Variants in SLC39A10 observed in about 807,000 individuals in gnomAD.
SLC39A10 encodes the protein zinc transporter ZIP10.
A neutral mutation model predicts 65.1 loss-of-function variants in SLC39A10; 13 were observed. The observed-to-expected ratio is 0.20, with a 90% CI of 0.13 to 0.32. The LOEUF (loss-of-function observed/expected upper bound fraction) is 0.32, where lower values mean the gene tolerates loss of function less well. SLC39A10 is among the 10% of genes least tolerant of loss of function. SLC39A10 has a pLI of 1.00. For missense variants in SLC39A10, 831 were observed against 1,018.4 expected, an observed-to-expected ratio of 0.82 and a Z score of 2.50; for synonymous variants, 321 against 342.2, an observed-to-expected ratio of 0.94 and a Z score of 0.68.
intron 6 of SLC39A10, 79 bp downstream of exon 6, chr2:195,713,632 A>G (rs1691678693): frequency 1.4e-6 from 2 of 1,404,840 alleles, no homozygotes; most frequent in African/African-American, 1.5e-5. Flanking sequence ...TTCTATTTAC[A>G]TTCATTCAAT....
Position 195,705,218 on chromosome 2 carries a change from G to A in SLC39A10, c.1217-1398G>A, listed in dbSNP as rs559094363. On this transcript the variant is annotated intron_variant, in intron 3 of 9. Transcript: ENST00000359634. ...TTAATCCAAAATCCTTGCAAGGATT[G>A]AAGCCATTGAATCCAAATCTAGTGG... Among the ~76,000 whole-genome samples the A allele has an allele frequency of 2.6e-5, 4 of 152,242 alleles. No homozygotes were observed. The South Asian group carries it at 8.3e-4, about 32-fold the overall frequency.
intron 3 of SLC39A10, among the ~76,000 whole-genome samples, chr2:195,693,804 T>C (rs1487624687): frequency 6.6e-6 from 1 of 152,214 alleles, no homozygotes; most frequent in Non-Finnish European, 1.5e-5. Context: ...GTTTTATTTA[T>C]TTCTACTCTG....
At chr2:195,684,256 T>C in intron 3 of SLC39A10, among the ~76,000 whole-genome samples, 1 of 152,068 alleles carries the variant, frequency 6.6e-6, no homozygotes, top group East Asian at 1.9e-4. Flanking sequence ...TTACTTAACA[T>C]TTATCAGGGT....
At chr2:195,614,508 C>T (rs540771970) in intron 2 of SLC39A10, among the ~76,000 whole-genome samples, 1 of 152,202 alleles carries the variant, frequency 6.6e-6, no homozygotes, top group Non-Finnish European at 1.5e-5. Context: ...TAGCGCTCCA[C>T]AACCCTTACC....
intron 6 of SLC39A10, among the ~76,000 whole-genome samples, chr2:195,715,265 C>T (rs556960976): frequency 6.6e-6 from 1 of 152,098 alleles, no homozygotes; most frequent in South Asian, 2.1e-4. Flanking sequence ...CGGTGGCTCA[C>T]GCCTGTCATC....
intron 6 of SLC39A10, among the ~76,000 whole-genome samples, chr2:195,714,432 C>G (rs1459323458): frequency 6.6e-6 from 1 of 152,060 alleles, no homozygotes; most frequent in Non-Finnish European, 1.5e-5. Context: ...AAAATAGGTC[C>G]TATATTAAAT....
intron 2 of SLC39A10, among the ~76,000 whole-genome samples, chr2:195,618,147 T>G (rs1688266595): frequency 6.6e-6 from 1 of 151,902 alleles, no homozygotes; most frequent in South Asian, 2.1e-4. Context: ...GGTCAGGGGT[T>G]TGAGACCAGC....
At position 195,649,340 on chromosome 2, in the gene SLC39A10, C is replaced by T. The variant is rs1331867415; in HGVS notation, c.-11-30692C>T. ...TTTTGACAATTCATTTCTTGCCTTCCCTAATATTTAGAATTTTGCTGCATT... is the reference window on the plus strand; with the variant it reads ...TTTTGACAATTCATTTCTTGCCTTCTCTAATATTTAGAATTTTGCTGCATT... On this transcript the variant is annotated intron_variant, in intron 2 of 2. Coordinates refer to the SLC39A10 transcript ENST00000458054. Among the ~76,000 whole-genome samples, 4 of 152,156 alleles carry T rather than the reference C, an allele frequency of 2.6e-5. No individual in the cohort carries two copies. The East Asian group carries it at 7.7e-4, about 29-fold the overall frequency.
chr2:195,614,636 A>C (rs1041290466), intron 2 of SLC39A10, among the ~76,000 whole-genome samples: 7 of 152,238 alleles, frequency 4.6e-5, no homozygotes, highest in Non-Finnish European at 1.0e-4. Context: ...TCACTCTAAA[A>C]GAACTTAAGC....
intron 9 of SLC39A10, among the ~76,000 whole-genome samples, chr2:195,733,516 A>G (rs1360794336): frequency 2.0e-5 from 3 of 152,156 alleles, no homozygotes; most frequent in Admixed American, 2.0e-4. Context: ...TTTAGAAATT[A>G]AGTATATAAA....
chr2:195,641,778 G>A (rs529740083), intron 2 of SLC39A10, among the ~76,000 whole-genome samples: 208 of 146,954 alleles, frequency 1.4e-3, no homozygotes, highest in African/African-American at 4.7e-3. Flanking sequence ...TGCAACCTCC[G>A]CCTCCCAGGT....
At chr2:195,723,393 A>G (rs1027967987) in intron 8 of SLC39A10, among the ~76,000 whole-genome samples, 4 of 152,204 alleles carry the variant, frequency 2.6e-5, no homozygotes, top group Admixed American at 2.6e-4. Context: ...AAAAGCCTGT[A>G]GTAGGAGGAG....
intron 2 of SLC39A10, among the ~76,000 whole-genome samples, chr2:195,634,225 A>G (rs1046989800): frequency 6.6e-6 from 1 of 152,226 alleles, no homozygotes; most frequent in African/African-American, 2.4e-5. Flanking sequence ...CTATTGATCT[A>G]CGTAATCTGA....
chr2:195,725,407 C>T (rs1395969285), intron 8 of SLC39A10, among the ~76,000 whole-genome samples: 3 of 152,018 alleles, frequency 2.0e-5, no homozygotes, highest in African/African-American at 7.2e-5. Context: ...AACAGCCCAA[C>T]AAAATAAAAT....
chr2:195,615,015 T>TCAGTATA (rs1435019825), intron 2 of SLC39A10, among the ~76,000 whole-genome samples: 2 of 152,144 alleles, frequency 1.3e-5, no homozygotes, highest in South Asian at 4.2e-4. Context: ...TGTGACCATG[T>TCAGTATA]CAGTATACTC....
chr2:195,625,089 C>T (rs1271272961), intron 2 of SLC39A10, among the ~76,000 whole-genome samples: 2 of 148,440 alleles, frequency 1.3e-5, no homozygotes, highest in Admixed American at 1.4e-4. Context: ...TGGTGGCGGG[C>T]GCCTGTAATC....
chr2:195,652,547 T>TA (rs746583732), upstream of SLC39A10, among the ~76,000 whole-genome samples: 6,467 of 123,688 alleles, frequency 0.052, 238 homozygotes, highest in African/African-American at 0.11. Context: ...AGACTCATCT[T>TA]AAAAAAAAAA....
upstream of SLC39A10, among the ~76,000 whole-genome samples, chr2:195,652,163 T>C (rs917100305): frequency 1.4e-4 from 21 of 152,146 alleles, no homozygotes; most frequent in African/African-American, 4.3e-4. Context: ...TTGGTTGAAA[T>C]AGTTTATCTA....
At chr2:195,658,899 A>G (rs1244377171) in intron 1 of SLC39A10, among the ~76,000 whole-genome samples, 3 of 152,240 alleles carry the variant, frequency 2.0e-5, no homozygotes, top group African/African-American at 7.2e-5. Context: ...TGAACCACAG[A>G]ATGATGGTTT....
Sources: gnomAD v4.1 joint callset for allele counts (sites outside exome capture counted in the v4.1 genomes callset) on GRCh38, gnomAD v4.1.1 for gene constraint, MANE v1.5 for transcripts, NCBI Gene and HGNC (gene_info 2026-07-23, HGNC 2026-07-21) for gene names.